Variants in PROM2 observed in about 807,000 individuals in gnomAD.
The protein encoded by PROM2 is prominin 2, also known as prominin-2.
In PROM2, 90 loss-of-function variants were observed where a neutral mutation model predicts 110.2. The observed-to-expected ratio is 0.82, with a 90% confidence interval of 0.69 to 0.97. PROM2 has a LOEUF of 0.97. PROM2 is among the 50% of genes least tolerant of loss of function. PROM2 has a pLI of 0.00. For missense variants in PROM2, 1,009 were observed against 1,074.8 expected, an observed-to-expected ratio of 0.94 and a Z score of 0.86; for synonymous variants, 470 against 467.8, an observed-to-expected ratio of 1.00 and a Z score of -0.06.
intron 11 of PROM2, among the ~76,000 whole-genome samples, chr2:95,280,561 T>A (rs1558744663): frequency 6.6e-6 from 1 of 152,172 alleles, no homozygotes; most frequent in Non-Finnish European, 1.5e-5. Context: ...CCCTTTTGAG[T>A]GCTGGGTCCT....
At chr2:95,274,866 TGGGTCCCCAGCCC>T in intron 1 of PROM2, 37 bp downstream of exon 1, 1 of 1,500,350 alleles carries the variant, frequency 6.7e-7, no homozygotes, top group Non-Finnish European at 8.9e-7. Context: ...CCTCAGCATT[TGGGTCCCCAGCCC>T]GGCTTCCTCT....
At chr2:95,287,891 G>C (rs1338011556) in intron 20 of PROM2, among the ~76,000 whole-genome samples, 1 of 152,190 alleles carries the variant, frequency 6.6e-6, no homozygotes, top group African/African-American at 2.4e-5. Context: ...GTGTCTATGT[G>C]TGTGTGAGTG....
chr2:95,286,724 C>T, intron 17 of PROM2, 80 bp from the exon 18 acceptor site: 1 of 937,180 alleles, frequency 1.1e-6, no homozygotes, highest in East Asian at 2.6e-5. Context: ...CCCTCCCCTC[C>T]ACTCCCCTCC....
Position 95,288,993 on chromosome 2 carries a change from G to T in PROM2, c.2502G>T (p.Leu834=), listed in dbSNP as rs1178331354. 6 of 1,608,166 alleles carry T rather than the reference G, an allele frequency of 3.7e-6. No homozygotes were observed. The highest frequency in any genetic ancestry group is 5.1e-6 in the Non-Finnish European group (6 of 1,176,374). Residue 834 remains leucine (L), a synonymous_variant, in exon 23 of 24, where the codon CTG becomes CTT. Transcript: ENST00000317620. The stretch of plus-strand genomic sequence containing the variant: ...TCCCCCGGGTTACCTCCCTGAAGCT[G>T]TAGGGCCTTGTGGGTGAGTTTTCCC... ...FHIPRVTSLK[L] is the part of the protein sequence containing the mutation.
Position 95,276,361 on chromosome 2 carries a change from C to T in PROM2, c.618+14C>T, listed in dbSNP as rs1323599436. The T allele has an allele frequency of 1.9e-6, 3 of 1,612,138 alleles. No individual in the cohort carries two copies. In the South Asian group the frequency reaches 3.3e-5, roughly 18 times the overall value. On this transcript the variant is annotated intron_variant, in intron 4 of 23. Coordinates refer to ENST00000317620, the MANE Select transcript of PROM2 (RefSeq NM_001165978.3). The surrounding 1 kb of genome is among the most constrained non-coding windows in gnomAD (Gnocchi z 4.6). ...GATGTCCCCCAAGTGAGCACTGTTACCCCTCACCCTCATGTGCCCCTGTGA... is the reference window on the plus strand; with the variant it reads ...GATGTCCCCCAAGTGAGCACTGTTATCCCTCACCCTCATGTGCCCCTGTGA...
chr2:95,289,540 G>A lies in PROM2; in HGVS notation c.*327G>A, dbSNP rs1443893134. The A allele has an allele frequency of 6.5e-6, 1 of 154,312 alleles. No individual in the cohort carries two copies. Among genetic ancestry groups the A allele is most frequent in the African/African-American group, 2.4e-5 (1 of 41,282 alleles). 9.6% of individuals were successfully genotyped at this position (154,312 alleles called of 1,614,324 possible). A position where few individuals can be genotyped will look rare whatever the true frequency, so the allele number is the denominator to read the frequency against. ...CCACCTGCTGGAGCCTGGACCCTGGGGTGGGACAGAGGCCTCGTCCAACCC... is the reference window on the plus strand; with the variant it reads ...CCACCTGCTGGAGCCTGGACCCTGGAGTGGGACAGAGGCCTCGTCCAACCC... On this transcript the variant is annotated 3_prime_UTR_variant, in exon 24 of 24. Transcript: ENST00000317620.
intron 11 of PROM2, among the ~76,000 whole-genome samples, chr2:95,280,562 G>T (rs1676987703): frequency 6.6e-6 from 1 of 152,214 alleles, no homozygotes; most frequent in Non-Finnish European, 1.5e-5. Flanking sequence ...CCTTTTGAGT[G>T]CTGGGTCCTG....
chr2:95,285,537 G>A (rs181130935), intron 15 of PROM2, 102 bp from the exon 16 acceptor site: 1 of 918,056 alleles, frequency 1.1e-6, no homozygotes, highest in Admixed American at 2.3e-5. Flanking sequence ...GCTGGTGTAG[G>A]TTATATTTGA....
At position 95,274,761 on chromosome 2, in the gene PROM2, T is replaced by C. The variant is rs1432956945; in HGVS notation, c.176T>C (p.Leu59Pro). The C allele has an allele frequency of 1.9e-6, 3 of 1,611,044 alleles. No individual in the cohort carries two copies. Among genetic ancestry groups the C allele is most frequent in the Admixed American group, 3.3e-5 (2 of 59,906 alleles). The stretch of plus-strand genomic sequence containing the variant: ...GCCCCTCGAGTTCGTGCGCCAGGAC[T>C]CCTGGACTCCCTCTATGGCACCGTG... ...WLAPRVRAPG[L>P]LDSLYGTVRR... Residue 59 changes from leucine (L) to proline (P), a missense_variant, in exon 1 of 24, where the codon CTC becomes CCC. Leu to Pro is a moderately conservative substitution (Grantham distance 98). Transcript: ENST00000317620.
intron 7 of PROM2, 171 bp from the exon 8 acceptor site, chr2:95,277,759 G>A: frequency 1.3e-6 from 1 of 760,128 alleles, no homozygotes. Context: ...CTTCATGTGT[G>A]TGAGCTCCTT....
intron 7 of PROM2, 145 bp downstream of exon 7, chr2:95,277,711 TG>T: frequency 1.1e-6 from 1 of 880,060 alleles, no homozygotes; most frequent in Non-Finnish European, 1.7e-6. Flanking sequence ...ATCCTGGCAG[TG>T]GGTGGAGTGC....
At position 95,274,508 on chromosome 2, in the gene PROM2, A is replaced by C; in HGVS notation, c.-78A>C. The C allele has an allele frequency of 6.8e-7, 1 of 1,474,756 alleles. No individual in the cohort carries two copies. The highest frequency in any genetic ancestry group is 9.0e-7 in the Non-Finnish European group (1 of 1,109,256). 91.4% of individuals were successfully genotyped at this position (1,474,756 alleles called of 1,614,324 possible). A position where few individuals can be genotyped will look rare whatever the true frequency, so the allele number is the denominator to read the frequency against. ...TTGAGAGCTGTGGAGAGAGGGACAG[A>C]GGCTGGAGAAGGATGTATGGCCTGC... is the stretch of plus-strand genomic sequence containing the variant. On this transcript the variant is annotated 5_prime_UTR_variant, in exon 1 of 24. Transcript: ENST00000317620.
Position 95,278,784 on chromosome 2 carries a change from G to A in PROM2, c.1114G>A (p.Glu372Lys). Reference protein sequence around the residue: ...AAMQTSSVVQELKKAVAQQPE... With the variant: ...AAMQTSSVVQKLKKAVAQQPE... ...CATGCAGACATCCAGCGTGGTGCAA[G>A]GTTAGGCCACACGGGTCAGAGGCAG... Residue 372 changes from glutamate to lysine, a missense_variant and splice_region_variant, in exon 9 of 24, where the codon GAG becomes AAG. Transcript: ENST00000317620. 1 of 1,614,054 alleles carries A rather than the reference G, an allele frequency of 6.2e-7. No homozygotes were observed. The highest frequency in any genetic ancestry group is 8.5e-7 in the Non-Finnish European group (1 of 1,180,020).
rs1255836744 is a variant in PROM2 at position 95,276,118 on chromosome 2, C to T, written c.483C>T (p.Thr161=). The T allele has an allele frequency of 2.5e-6, 4 of 1,611,874 alleles. No individual in the cohort carries two copies. Among genetic ancestry groups the T allele is most frequent in the South Asian group, 1.1e-5 (1 of 91,020 alleles). The change falls in exon 3 of 24, where the codon ACC becomes ACT. Residue 161 remains threonine (T), a synonymous_variant. Coordinates refer to ENST00000317620, the MANE Select transcript of PROM2 (RefSeq NM_001165978.3). The surrounding 1 kb of genome is among the most constrained non-coding windows in gnomAD (Gnocchi z 4.6). Reference sequence around the variant, plus strand: ...CCCTCATGGTCTTCCTGCTGCTGACCACCCTCTTGCTGCTGTAAGGCGCTG... The same window carrying T: ...CCCTCATGGTCTTCCTGCTGCTGACTACCCTCTTGCTGCTGTAAGGCGCTG... ...RAALMVFLLL[T]TLLLLIGVVC... is the part of the protein sequence containing the mutation.
rs564172990 is a variant in PROM2, at chr2:95,289,201, G to A, written c.*11-23G>A. ...GTTCTCCCCTCCCTCCCCTTCACCC[G>A]TTTCCTTCTTAATCCCTGACAGGGT... On this transcript the variant is annotated intron_variant, in intron 23 of 23. Transcript: ENST00000317620. 5.4e-4 allele frequency: 321 copies of A among 595,434 alleles called. 3 individuals are homozygous for A. The highest frequency in any genetic ancestry group is 2.4e-3 in the South Asian group (123 of 50,544). 36.9% of individuals were successfully genotyped at this position (595,434 alleles called of 1,614,324 possible).
At chr2:95,285,431 T>G (rs1677297168) in intron 15 of PROM2, among the ~76,000 whole-genome samples, 1 of 152,220 alleles carries the variant, frequency 6.6e-6, no homozygotes, top group Non-Finnish European at 1.5e-5. Flanking sequence ...GGGTGCCTTA[T>G]TTGTTCTTGT....
At chr2:95,274,862 C>A in intron 1 of PROM2, 33 bp downstream of exon 1, 2 of 1,504,076 alleles carry the variant, frequency 1.3e-6, no homozygotes, top group Non-Finnish European at 1.8e-6. Flanking sequence ...AGGGCCTCAG[C>A]ATTTGGGTCC....
rs989674672 is a variant in PROM2, at chr2:95,289,117, G to A, written c.*11-107G>A. On this transcript the variant is annotated intron_variant, in intron 23 of 23. Coordinates refer to ENST00000317620, the MANE Select transcript of PROM2 (RefSeq NM_001165978.3). ...GGCCTAGGAGGGCAGGAAGGCTTGG[G>A]GACATGGTGGAGTCTGGGTATTGGG... 4.6e-6 allele frequency: 4 copies of A among 863,020 alleles called. No homozygotes were observed. The African/African-American group carries it at 6.6e-5, about 14-fold the overall frequency. 53.5% of individuals were successfully genotyped at this position (863,020 alleles called of 1,614,324 possible).
At position 95,275,841 on chromosome 2, in the gene PROM2, G is replaced by C. The variant is rs114550011; in HGVS notation, c.295-89G>C. On this transcript the variant is annotated intron_variant, in intron 2 of 23. Transcript: ENST00000317620. The surrounding 1 kb of genome is among the most constrained non-coding windows in gnomAD (Gnocchi z 4.4). The stretch of plus-strand genomic sequence containing the variant: ...AGGCCATGCCCCTGACGGCACTCCC[G>C]CCCCTTCTGGTTTCCCTCTGGACTC... 1.1e-3 allele frequency: 1,715 copies of C among 1,535,738 alleles called. 22 individuals carry two copies. In the African/African-American group the frequency reaches 0.021, roughly 19 times the overall value.
Sources: gnomAD v4.1 joint callset for allele counts (sites outside exome capture counted in the v4.1 genomes callset) on GRCh38, gnomAD v4.1.1 for gene constraint, Gnocchi (gnomAD v3.1) non-coding constraint, MANE v1.5 for transcripts, NCBI Gene and HGNC (gene_info 2026-07-23, HGNC 2026-07-21) for gene names.